The following CHST11 variants were observed in gnomAD, a reference collection of about 807,000 sequenced individuals.
CHST11 encodes the protein carbohydrate sulfotransferase 11.
CHST11 carries 9 observed loss-of-function variants against 30.4 expected under a neutral mutation model. That is an observed-to-expected ratio of 0.30 (90% confidence interval 0.18 to 0.52). The LOEUF (loss-of-function observed/expected upper bound fraction) is 0.52, where lower values mean the gene tolerates loss of function less well. Among genes scored for constraint, CHST11 ranks in the 20% least tolerant of loss-of-function variants. CHST11 has a pLI of 0.97. For missense variants in CHST11, 348 were observed against 460.6 expected, an observed-to-expected ratio of 0.76 and a Z score of 2.24; for synonymous variants, 152 against 187.8, an observed-to-expected ratio of 0.81 and a Z score of 1.56.
intron 2 of CHST11, among the ~76,000 whole-genome samples, chr12:104,659,173 A>C (rs1260825848): frequency 3.3e-5 from 5 of 152,206 alleles, no homozygotes; most frequent in Non-Finnish European, 5.9e-5. Context: ...TGCCATGGAT[A>C]AGAGCACAGC....
chr12:104,555,348 G>A (rs2038445303), intron 1 of CHST11, among the ~76,000 whole-genome samples: 1 of 152,178 alleles, frequency 6.6e-6, no homozygotes, highest in South Asian at 2.1e-4. Context: ...CATAGAAGGG[G>A]AAATATATTT....
At chr12:104,744,843 T>G (rs1329396873) in intron 2 of CHST11, among the ~76,000 whole-genome samples, 1 of 136,708 alleles carries the variant, frequency 7.3e-6, no homozygotes, top group Non-Finnish European at 1.5e-5. Flanking sequence ...TATCCCAGCA[T>G]CATTTATTTA....
At chr12:104,705,366 G>A (rs1316624977) in intron 2 of CHST11, among the ~76,000 whole-genome samples, 2 of 152,162 alleles carry the variant, frequency 1.3e-5, no homozygotes, top group Admixed American at 6.5e-5. Flanking sequence ...TAACCACTTT[G>A]CAGGGTTTCT....
intron 2 of CHST11, among the ~76,000 whole-genome samples, chr12:104,622,448 C>G (rs12828809): frequency 6.6e-6 from 1 of 152,014 alleles, no homozygotes. Context: ...TCAAAGTACC[C>G]GCATAGAGAC....
chr12:104,631,238 C>T (rs1440476825), intron 2 of CHST11, among the ~76,000 whole-genome samples: 6 of 152,164 alleles, frequency 3.9e-5, no homozygotes, highest in African/African-American at 1.4e-4. Context: ...GGAAGGGACT[C>T]GCTTTATTGA....
chr12:104,711,062 A>G (rs1330917941), intron 2 of CHST11, among the ~76,000 whole-genome samples: 2 of 152,098 alleles, frequency 1.3e-5, no homozygotes, highest in African/African-American at 4.8e-5. Flanking sequence ...TCCTGTTGCA[A>G]TTATCAAATA....
At chr12:104,524,543 T>A (rs1453317959) in intron 1 of CHST11, among the ~76,000 whole-genome samples, 1 of 152,100 alleles carries the variant, frequency 6.6e-6, no homozygotes. Flanking sequence ...ATTCATCTAC[T>A]TATCCACCTT....
chr12:104,597,275 T>G (rs1252807217), intron 1 of CHST11, among the ~76,000 whole-genome samples: 1 of 152,092 alleles, frequency 6.6e-6, no homozygotes, highest in Non-Finnish European at 1.5e-5. Flanking sequence ...GAAATCATAC[T>G]GTAAATTGAG....
intron 1 of CHST11, among the ~76,000 whole-genome samples, chr12:104,485,732 C>G (rs1203117834): frequency 6.6e-6 from 1 of 152,140 alleles, no homozygotes; most frequent in Non-Finnish European, 1.5e-5. Flanking sequence ...GCAACTTTAA[C>G]ATTCATAACC....
chr12:104,466,665 A>C (rs1009384882), intron 1 of CHST11, among the ~76,000 whole-genome samples: 1 of 152,256 alleles, frequency 6.6e-6, no homozygotes, highest in African/African-American at 2.4e-5. Context: ...AAAGCTTTCT[A>C]GAAGGAGGGT....
chr12:104,595,287 G>A (rs919293493), intron 1 of CHST11, among the ~76,000 whole-genome samples: 1 of 152,124 alleles, frequency 6.6e-6, no homozygotes, highest in African/African-American at 2.4e-5. Context: ...ACCACCAGGG[G>A]TTTTAAAACC....
intron 1 of CHST11, among the ~76,000 whole-genome samples, chr12:104,498,872 G>A (rs892791663): frequency 6.6e-6 from 1 of 152,198 alleles, no homozygotes; most frequent in Non-Finnish European, 1.5e-5. Context: ...GTGGGAGAGA[G>A]GAGTTGTTTT....
intron 2 of CHST11, among the ~76,000 whole-genome samples, chr12:104,655,643 G>T (rs981846253): frequency 1.3e-5 from 2 of 152,180 alleles, no homozygotes; most frequent in African/African-American, 4.8e-5. Flanking sequence ...GTTTAACAGA[G>T]AAACAGTGTT....
At chr12:104,548,180 C>T (rs2038369421) in intron 1 of CHST11, among the ~76,000 whole-genome samples, 1 of 152,194 alleles carries the variant, frequency 6.6e-6, no homozygotes, top group South Asian at 2.1e-4. Flanking sequence ...GACAGCCTAA[C>T]CTAATGCACG....
At chr12:104,528,648 G>A (rs1349943561) in intron 1 of CHST11, among the ~76,000 whole-genome samples, 1 of 152,216 alleles carries the variant, frequency 6.6e-6, no homozygotes, top group African/African-American at 2.4e-5. Flanking sequence ...GTTATAAGAA[G>A]AGCTAGTGAG....
In CHST11 at chr12:104,757,581, C is replaced by A. The variant is rs779695030; in HGVS notation, c.837C>A (p.Tyr279Ter). The A allele has an allele frequency of 5.0e-6, 8 of 1,614,050 alleles. No homozygotes were observed. Residue 279 changes from tyrosine to a stop codon, truncating the protein, a stop_gained, in exon 3 of 3, where the codon TAC becomes TAA. Coordinates refer to ENST00000303694, the MANE Select transcript of CHST11 (RefSeq NM_018413.6). LOFTEE classifies it high-confidence loss of function. The surrounding 1 kb of genome is among the most constrained non-coding windows in gnomAD (Gnocchi z 6.5). ...CHIHYDLVGK[Y>*]ETLEEDSNYV... ...TCCACTATGACCTCGTGGGCAAGTA[C>A]GAGACACTGGAAGAGGATTCTAATT... is the stretch of plus-strand genomic sequence containing the variant.
At chr12:104,692,421 G>A (rs951255581) in intron 2 of CHST11, among the ~76,000 whole-genome samples, 2 of 152,226 alleles carry the variant, frequency 1.3e-5, no homozygotes, top group Non-Finnish European at 2.9e-5. Context: ...GCCGAGTGAT[G>A]TTTTCAGTGT....
At chr12:104,718,834 A>G (rs553116103) in intron 2 of CHST11, among the ~76,000 whole-genome samples, 1 of 152,208 alleles carries the variant, frequency 6.6e-6, no homozygotes, top group Non-Finnish European at 1.5e-5. Context: ...ACGAGAGTGG[A>G]GTCGACACAG....
At chr12:104,470,778 C>T (rs1450822090) in intron 1 of CHST11, among the ~76,000 whole-genome samples, 7 of 152,184 alleles carry the variant, frequency 4.6e-5, no homozygotes, top group South Asian at 2.1e-4. Flanking sequence ...CCTGCCTAAT[C>T]GGAAAGCTGG....
Sources: gnomAD v4.1 joint callset for allele counts (sites outside exome capture counted in the v4.1 genomes callset) on GRCh38, gnomAD v4.1.1 for gene constraint, Gnocchi (gnomAD v3.1) non-coding constraint, MANE v1.5 for transcripts, NCBI Gene and HGNC (gene_info 2026-07-23, HGNC 2026-07-21) for gene names.